DACH2: variants seen among roughly 807,000 people sequenced by gnomAD.
The protein encoded by DACH2 is dachshund family transcription factor 2, also known as dachshund homolog 2.
Under a neutral mutation model 35.8 loss-of-function variants are expected in DACH2, and 17 were observed. The ratio of observed to expected loss-of-function variants is 0.48; its 90% CI spans 0.33 to 0.71. The LOEUF (loss-of-function observed/expected upper bound fraction) is 0.71. Among genes scored for constraint, DACH2 ranks in the 30% least tolerant of loss-of-function variants. DACH2 has a pLI of 0.02. For synonymous variants in DACH2, 195 were observed against 177.3 expected, an observed-to-expected ratio of 1.10 and a Z score of -0.79; for missense variants, 469 against 472.7, an observed-to-expected ratio of 0.99 and a Z score of 0.07.
intron 4 of DACH2, among the ~76,000 whole-genome samples, chrX:86,689,308 A>G (rs1288107220): frequency 9.0e-6 from 1 of 111,599 alleles, no homozygotes; most frequent in African/African-American, 3.2e-5. Context: ...ATAAGGTTGT[A>G]GAGTATAGCA....
intron 1 of DACH2, among the ~76,000 whole-genome samples, chrX:86,294,567 G>C (rs1484695405): frequency 9.1e-6 from 1 of 109,588 alleles, no homozygotes; most frequent in African/African-American, 3.3e-5. Context: ...TCCTACTTTT[G>C]GTCTTTGATG....
chrX:86,709,917 A>G (rs746749109), intron 5 of DACH2, among the ~76,000 whole-genome samples: 2 of 112,246 alleles, frequency 1.8e-5, no homozygotes, highest in Admixed American at 1.9e-4. Flanking sequence ...TTGGAACAAC[A>G]GGAACTTTCA....
intron 1 of DACH2, among the ~76,000 whole-genome samples, chrX:86,356,397 G>A (rs2035643273): frequency 9.1e-6 from 1 of 109,949 alleles, no homozygotes; most frequent in South Asian, 3.9e-4. Context: ...CTATGTGTCT[G>A]TTTTTTTTAG....
chrX:86,153,390 T>G (rs1315951252), intron 1 of DACH2, among the ~76,000 whole-genome samples: 1 of 111,504 alleles, frequency 9.0e-6, no homozygotes, highest in Non-Finnish European at 1.9e-5. Flanking sequence ...TTTCAAATAC[T>G]AGAAATATGG....
chrX:86,797,765 G>T (rs925948070), intron 7 of DACH2, among the ~76,000 whole-genome samples: 2 of 111,840 alleles, frequency 1.8e-5, no homozygotes, highest in Non-Finnish European at 3.8e-5. Flanking sequence ...CACAGAGAAT[G>T]AAAGACTTGT....
At chrX:86,598,308 A>G (rs6652450) in intron 3 of DACH2, among the ~76,000 whole-genome samples, 6,039 of 111,311 alleles carry the variant, frequency 0.054, 387 homozygotes, top group African/African-American at 0.19. Context: ...TCCTTAGAGG[A>G]GGCATCCTTA....
chrX:86,377,538 G>C (rs757766504), intron 2 of DACH2, among the ~76,000 whole-genome samples: 12 of 110,622 alleles, frequency 1.1e-4, no homozygotes, highest in Non-Finnish European at 2.3e-4. Flanking sequence ...GTGGTGAAAA[G>C]AACACACAGT....
At chrX:86,496,707 G>A (rs1446342853) in intron 2 of DACH2, among the ~76,000 whole-genome samples, 1 of 110,203 alleles carries the variant, frequency 9.1e-6, no homozygotes, top group Admixed American at 9.7e-5. Flanking sequence ...GCTATGGAAA[G>A]GTTTATTACT....
intron 2 of DACH2, among the ~76,000 whole-genome samples, chrX:86,447,261 T>A: frequency 1.6e-5 from 1 of 62,280 alleles, no homozygotes; most frequent in East Asian, 5.7e-4. Context: ...TTCACTCTGA[T>A]GGTAGTTTCT....
intron 3 of DACH2, among the ~76,000 whole-genome samples, chrX:86,586,935 T>C (rs927986431): frequency 9.0e-6 from 1 of 111,726 alleles, no homozygotes; most frequent in Non-Finnish European, 1.9e-5. Context: ...TTTAAAATAG[T>C]TCTTTAAGTT....
chrX:86,426,481 T>C (rs968797879), intron 2 of DACH2, among the ~76,000 whole-genome samples: 2 of 112,074 alleles, frequency 1.8e-5, no homozygotes, highest in African/African-American at 6.5e-5. Flanking sequence ...AGAAAGTTAT[T>C]GTAGAAGATT....
chrX:86,642,044 C>T (rs1042722560), intron 3 of DACH2, among the ~76,000 whole-genome samples: 1 of 111,763 alleles, frequency 8.9e-6, no homozygotes, highest in African/African-American at 3.2e-5. Context: ...AAAGCAATCA[C>T]ACAAACAAGC....
At chrX:86,378,350 G>A (rs2035998350) in intron 2 of DACH2, among the ~76,000 whole-genome samples, 1 of 110,040 alleles carries the variant, frequency 9.1e-6, no homozygotes, top group Admixed American at 9.8e-5. Flanking sequence ...GAGAAACCAG[G>A]AGAGTCGCAA....
chrX:86,599,418 T>G (rs1031342052), intron 3 of DACH2, among the ~76,000 whole-genome samples: 13 of 110,861 alleles, frequency 1.2e-4, no homozygotes, highest in Non-Finnish European at 1.9e-5. Flanking sequence ...TTTCTTTTTC[T>G]TTTTTCTTTC....
chrX:86,813,734 C>T (rs982686611), intron 9 of DACH2, among the ~76,000 whole-genome samples: 1 of 110,360 alleles, frequency 9.1e-6, no homozygotes, highest in Non-Finnish European at 1.9e-5. Context: ...TATGGTCCTT[C>T]GGCTTTGAAA....
chrX:86,647,899 A>G (rs921793927), intron 3 of DACH2, among the ~76,000 whole-genome samples: 6 of 110,957 alleles, frequency 5.4e-5, no homozygotes, highest in African/African-American at 2.0e-4. Context: ...CTTAATAAAT[A>G]TGTTTAAATT....
chrX:86,803,170 T>C (rs756972283), intron 7 of DACH2, among the ~76,000 whole-genome samples: 2 of 111,812 alleles, frequency 1.8e-5, no homozygotes, highest in South Asian at 3.7e-4. Context: ...CTATAAAATA[T>C]AGAGTTACTC....
intron 3 of DACH2, among the ~76,000 whole-genome samples, chrX:86,530,001 AC>A (rs1474716498): frequency 3.7e-5 from 4 of 108,780 alleles, no homozygotes; most frequent in Non-Finnish European, 5.7e-5. Context: ...ACACACACAC[AC>A]ACAATCACAT....
intron 3 of DACH2, among the ~76,000 whole-genome samples, chrX:86,590,685 G>C (rs751769613): frequency 8.9e-6 from 1 of 111,806 alleles, no homozygotes; most frequent in Admixed American, 9.5e-5. Flanking sequence ...CTCACTAGCT[G>C]TGAATATGAA....
Sources: allele counts gnomAD v4.1 joint callset (sites outside exome capture counted in the v4.1 genomes callset), GRCh38; gene constraint gnomAD v4.1.1; transcripts MANE v1.5; gene names NCBI Gene and HGNC (gene_info 2026-07-23, HGNC 2026-07-21).